NFKB1: variants seen among roughly 807,000 people sequenced by gnomAD.
NFKB1 encodes nuclear factor kappa B subunit 1, also known as nuclear factor NF-kappa-B p105 subunit.
In NFKB1, 9 loss-of-function variants were observed where a neutral mutation model predicts 105.1. That is an observed-to-expected ratio of 0.09 (90% CI 0.05 to 0.15). The LOEUF (loss-of-function observed/expected upper bound fraction) is 0.15, where lower values mean the gene tolerates loss of function less well. Among genes scored for constraint, NFKB1 ranks in the 10% least tolerant of loss-of-function variants. The probability of loss-of-function intolerance (pLI) is 1.00; values close to 1 mark genes in which losing one functional copy is unlikely to be tolerated. For synonymous variants in NFKB1, 440 were observed against 442.2 expected (o/e 1.00, Z 0.06); for missense variants, 830 against 1,203.7 (o/e 0.69, Z 4.59).
intron 1 of NFKB1, among the ~76,000 whole-genome samples, chr4:102,521,820 A>G (rs1015144279): frequency 1.3e-5 from 2 of 152,236 alleles, no homozygotes; most frequent in African/African-American, 4.8e-5. Flanking sequence ...GGCATTTTAT[A>G]GAACTCATCA....
At chr4:102,612,142 C>A in intron 21 of NFKB1, 32 bp downstream of exon 21, 2 of 1,559,898 alleles carry the variant, frequency 1.3e-6, no homozygotes, top group South Asian at 1.1e-5. Context: ...TTCTCTTAAC[C>A]ATTATTATCT....
intron 1 of NFKB1, among the ~76,000 whole-genome samples, chr4:102,519,548 T>C (rs1469041940): frequency 1.3e-5 from 2 of 152,040 alleles, no homozygotes; most frequent in Non-Finnish European, 2.9e-5. Flanking sequence ...GGTATTTTTA[T>C]CTTCATAGGT....
At chr4:102,522,474 A>G (rs1188026853) in intron 1 of NFKB1, among the ~76,000 whole-genome samples, 3 of 152,192 alleles carry the variant, frequency 2.0e-5, no homozygotes, top group African/African-American at 4.8e-5. Flanking sequence ...GAAGGGGAAG[A>G]TCATGTTTAA....
chr4:102,552,497 G>A (rs1722692181), intron 5 of NFKB1, among the ~76,000 whole-genome samples: 1 of 152,118 alleles, frequency 6.6e-6, no homozygotes, highest in Non-Finnish European at 1.5e-5. Flanking sequence ...AGACTACAGG[G>A]CAGGGAAGCT....
At chr4:102,509,359 A>G (rs112784567) in intron 1 of NFKB1, among the ~76,000 whole-genome samples, 3 of 152,170 alleles carry the variant, frequency 2.0e-5, no homozygotes, top group South Asian at 4.1e-4. Flanking sequence ...TTTTTTTGTG[A>G]TGGGTGGGGA....
At chr4:102,517,914 G>C (rs1281798317) in intron 1 of NFKB1, among the ~76,000 whole-genome samples, 1 of 152,196 alleles carries the variant, frequency 6.6e-6, no homozygotes. Context: ...AATGTGCTGA[G>C]TGGTTGAAGT....
At chr4:102,570,545 TA>T in intron 6 of NFKB1, among the ~76,000 whole-genome samples, 1 of 152,286 alleles carries the variant, frequency 6.6e-6, no homozygotes, top group Admixed American at 6.5e-5. Context: ...GTCTTTATGG[TA>T]GAATGATTTA....
intron 5 of NFKB1, among the ~76,000 whole-genome samples, chr4:102,545,922 C>A (rs17032781): frequency 0.027 from 4,170 of 152,038 alleles, 182 homozygotes; most frequent in African/African-American, 0.092. Context: ...TAAGAGGATA[C>A]GGCACAACGT....
intron 4 of NFKB1, among the ~76,000 whole-genome samples, chr4:102,534,590 G>A (rs1212860768): frequency 6.6e-6 from 1 of 152,140 alleles, no homozygotes; most frequent in Non-Finnish European, 1.5e-5. Flanking sequence ...GAGAAAGAAA[G>A]GCAATCTTTA....
At chr4:102,596,814 A>G (rs77812719) in intron 14 of NFKB1, among the ~76,000 whole-genome samples, 147 of 152,000 alleles carry the variant, frequency 9.7e-4, no homozygotes, top group African/African-American at 3.2e-3. Context: ...TTATTAGCAT[A>G]TGTGTCATGA....
At chr4:102,543,463 G>A (rs1721880711) in intron 5 of NFKB1, among the ~76,000 whole-genome samples, 1 of 152,146 alleles carries the variant, frequency 6.6e-6, no homozygotes, top group African/African-American at 2.4e-5. Flanking sequence ...TGATAGAAGT[G>A]TAACTATTTT....
chr4:102,577,569 T>G (rs1724952932), intron 7 of NFKB1: 1 of 152,840 alleles, frequency 6.5e-6, no homozygotes, highest in Non-Finnish European at 1.5e-5. Flanking sequence ...CTCAAATTTT[T>G]TTTTCAACCC....
chr4:102,553,206 G>A (rs1283492802), intron 5 of NFKB1, among the ~76,000 whole-genome samples: 5 of 152,120 alleles, frequency 3.3e-5, no homozygotes, highest in African/African-American at 7.2e-5. Context: ...ATTCTACACC[G>A]AATGATGTCT....
intron 1 of NFKB1, among the ~76,000 whole-genome samples, chr4:102,514,572 G>A (rs781305762): frequency 2.6e-5 from 4 of 152,046 alleles, no homozygotes; most frequent in Non-Finnish European, 4.4e-5. Flanking sequence ...ATAAACCTGG[G>A]CTCTTTATAA....
intron 16 of NFKB1, among the ~76,000 whole-genome samples, chr4:102,603,164 C>T (rs931296777): frequency 6.6e-5 from 10 of 152,100 alleles, no homozygotes; most frequent in Non-Finnish European, 1.2e-4. Flanking sequence ...CCTCCACCTC[C>T]CAGGTTCAAG....
chr4:102,560,721 G>A (rs1723354463), intron 5 of NFKB1, among the ~76,000 whole-genome samples: 1 of 152,166 alleles, frequency 6.6e-6, no homozygotes, highest in African/African-American at 2.4e-5. Flanking sequence ...TTTGGGTTAT[G>A]TCACTTTGTT....
At chr4:102,512,326 CTGTA>C (rs980596554) in intron 1 of NFKB1, among the ~76,000 whole-genome samples, 30 of 152,076 alleles carry the variant, frequency 2.0e-4, no homozygotes, top group African/African-American at 7.0e-4. Context: ...ACATTGACAT[CTGTA>C]TGTGTGTTGT....
intron 5 of NFKB1, among the ~76,000 whole-genome samples, chr4:102,560,253 G>A (rs1265025701): frequency 2.6e-5 from 4 of 152,094 alleles, no homozygotes; most frequent in Admixed American, 2.0e-4. Context: ...CTTCTTTCTC[G>A]AAAGAAGCAT....
At chr4:102,552,359 G>A (rs935132846) in intron 5 of NFKB1, among the ~76,000 whole-genome samples, 1 of 152,136 alleles carries the variant, frequency 6.6e-6, no homozygotes, top group Non-Finnish European at 1.5e-5. Context: ...ATAAGGAGCG[G>A]TGAATGGAAG....
Sources: allele counts gnomAD v4.1 joint callset (sites outside exome capture counted in the v4.1 genomes callset), GRCh38; gene constraint gnomAD v4.1.1; transcripts MANE v1.5; gene names NCBI Gene and HGNC (gene_info 2026-07-23, HGNC 2026-07-21).